MYRIP: variants seen among roughly 807,000 people sequenced by gnomAD.
MYRIP encodes the protein myosin VIIA and Rab interacting protein, also known as rab effector MyRIP.
Under a neutral mutation model 98.0 loss-of-function variants are expected in MYRIP, and 49 were observed. The ratio of observed to expected loss-of-function variants is 0.50; its 90% CI spans 0.40 to 0.63. The LOEUF (loss-of-function observed/expected upper bound fraction) is 0.63, where lower values mean the gene tolerates loss of function less well. Ranked by LOEUF, MYRIP falls within the 30% of genes least tolerant of loss-of-function variation. MYRIP has a pLI of 0.00. For synonymous variants in MYRIP, 404 were observed against 409.5 expected, an observed-to-expected ratio of 0.99 and a Z score of 0.16; for missense variants, 1,004 against 1,058.2, an observed-to-expected ratio of 0.95 and a Z score of 0.71.
chr3:40,101,032 A>G (rs1948934848), intron 3 of MYRIP, among the ~76,000 whole-genome samples: 2 of 152,196 alleles, frequency 1.3e-5, no homozygotes, highest in African/African-American at 4.8e-5. Context: ...TGTGCTCCTT[A>G]CACACCACTT....
At chr3:40,222,029 C>A (rs1455211513) in intron 11 of MYRIP, among the ~76,000 whole-genome samples, 1 of 152,064 alleles carries the variant, frequency 6.6e-6, no homozygotes, top group African/African-American at 2.4e-5. Context: ...AGGGCTTAAC[C>A]CAAGAGGGTT....
At chr3:40,111,297 A>G (rs1280022639) in intron 3 of MYRIP, among the ~76,000 whole-genome samples, 3 of 152,204 alleles carry the variant, frequency 2.0e-5, no homozygotes, top group Admixed American at 2.0e-4. Flanking sequence ...TAATTTCCCT[A>G]GAGTAGAAAA....
At chr3:39,912,137 A>G (rs1400862747) in intron 2 of MYRIP, among the ~76,000 whole-genome samples, 6 of 152,008 alleles carry the variant, frequency 3.9e-5, no homozygotes, top group Admixed American at 3.3e-4. Flanking sequence ...TCTGACTTAC[A>G]GGCTCCCATT....
At chr3:40,020,662 T>C (rs1946970895) in intron 2 of MYRIP, among the ~76,000 whole-genome samples, 1 of 152,218 alleles carries the variant, frequency 6.6e-6, no homozygotes, top group Non-Finnish European at 1.5e-5. Flanking sequence ...GTTGCAAAGA[T>C]GGTATATGCA....
intron 2 of MYRIP, among the ~76,000 whole-genome samples, chr3:39,996,099 C>A (rs1309834987): frequency 2.6e-5 from 4 of 152,144 alleles, no homozygotes; most frequent in Non-Finnish European, 5.9e-5. Context: ...TAAAGACCAT[C>A]GAGGCTAGGA....
At chr3:40,136,115 C>A (rs1949760226) in intron 3 of MYRIP, among the ~76,000 whole-genome samples, 1 of 152,186 alleles carries the variant, frequency 6.6e-6, no homozygotes, top group South Asian at 2.1e-4. Context: ...CAAGACCCAT[C>A]AGTGTGCTGT....
intron 3 of MYRIP, among the ~76,000 whole-genome samples, chr3:40,103,174 C>T (rs1948981482): frequency 6.6e-6 from 1 of 152,112 alleles, no homozygotes; most frequent in African/African-American, 2.4e-5. Context: ...CAAATCTCCT[C>T]CCACAGTGTG....
At chr3:40,162,929 C>A in intron 5 of MYRIP, 119 bp downstream of exon 5, 1 of 869,264 alleles carries the variant, frequency 1.2e-6, no homozygotes, top group Non-Finnish European at 1.9e-6. Context: ...CTATCTACTA[C>A]TGTGTGTGAG....
At chr3:40,204,228 TATATATA>T (rs1274679028) in intron 10 of MYRIP, among the ~76,000 whole-genome samples, 1,965 of 24,710 alleles carry the variant, frequency 0.08, 114 homozygotes, top group African/African-American at 0.2. Context: ...TATATAAATA[TATATATA>T]TTTTTTTTTT....
chr3:40,036,272 TGACA>T (rs1004761110), intron 2 of MYRIP, among the ~76,000 whole-genome samples: 2 of 118,252 alleles, frequency 1.7e-5, no homozygotes, highest in African/African-American at 6.4e-5. Context: ...AGAATTACAC[TGACA>T]GACTTCCCAT....
At chr3:39,920,807 G>A (rs1944286767) in intron 2 of MYRIP, among the ~76,000 whole-genome samples, 1 of 152,180 alleles carries the variant, frequency 6.6e-6, no homozygotes, top group African/African-American at 2.4e-5. Flanking sequence ...TTCCAAAGCA[G>A]TGCTCATCCT....
At chr3:40,077,251 A>T (rs1379421499) in intron 3 of MYRIP, among the ~76,000 whole-genome samples, 1 of 152,186 alleles carries the variant, frequency 6.6e-6, no homozygotes, top group Non-Finnish European at 1.5e-5. Flanking sequence ...GCGAAAGAAC[A>T]AAGCTTCCAC....
At chr3:40,194,575 A>G (rs553586796) in intron 10 of MYRIP, among the ~76,000 whole-genome samples, 1 of 152,120 alleles carries the variant, frequency 6.6e-6, no homozygotes, top group South Asian at 2.1e-4. Context: ...CTTCACTTAA[A>G]TGATTTGTTA....
At chr3:40,080,679 A>G (rs1948454539) in intron 3 of MYRIP, among the ~76,000 whole-genome samples, 1 of 150,936 alleles carries the variant, frequency 6.6e-6, no homozygotes, top group East Asian at 1.9e-4. Context: ...GTTAGTATTT[A>G]TACCTTCTTT....
intron 3 of MYRIP, among the ~76,000 whole-genome samples, chr3:40,127,837 G>T (rs1053841517): frequency 2.6e-5 from 4 of 152,160 alleles, no homozygotes; most frequent in Admixed American, 1.3e-4. Context: ...TGTGGCCCCA[G>T]CTCCCAGCTC....
intron 1 of MYRIP, among the ~76,000 whole-genome samples, chr3:39,832,506 A>G (rs1356484288): frequency 6.6e-6 from 1 of 152,198 alleles, no homozygotes. Context: ...TAAATTTGAT[A>G]AGGAGGACAA....
At chr3:39,940,362 A>G (rs1944756832) in intron 2 of MYRIP, among the ~76,000 whole-genome samples, 1 of 152,118 alleles carries the variant, frequency 6.6e-6, no homozygotes, top group Admixed American at 6.6e-5. Flanking sequence ...TGGAAAGGAA[A>G]AGGAAGTGTT....
chr3:39,991,251 C>T (rs1011969890), intron 2 of MYRIP, among the ~76,000 whole-genome samples: 1 of 152,214 alleles, frequency 6.6e-6, no homozygotes, highest in Non-Finnish European at 1.5e-5. Flanking sequence ...ACACTGCAAC[C>T]TGTTGTCATC....
intron 4 of MYRIP, 120 bp from the exon 5 acceptor site, chr3:40,162,610 C>T: frequency 1.3e-6 from 1 of 794,594 alleles, no homozygotes; most frequent in Non-Finnish European, 2.1e-6. Context: ...AACCTATTTG[C>T]AAGGCTAACA....
Sources: allele counts gnomAD v4.1 joint callset (sites outside exome capture counted in the v4.1 genomes callset), GRCh38; gene constraint gnomAD v4.1.1; transcripts MANE v1.5; gene names NCBI Gene and HGNC (gene_info 2026-07-23, HGNC 2026-07-21).